EYA4: variants seen among roughly 807,000 people sequenced by gnomAD.
EYA4 encodes EYA transcriptional coactivator and phosphatase 4.
EYA4 carries 31 observed loss-of-function variants against 87.9 expected under a neutral mutation model. The observed-to-expected ratio is 0.35, with a 90% CI of 0.27 to 0.48. The LOEUF is 0.48. Among genes scored for constraint, EYA4 ranks in the 20% least tolerant of loss-of-function variants. EYA4 has a pLI of 0.99. For synonymous variants in EYA4, 263 were observed against 270.6 expected, an observed-to-expected ratio of 0.97 and a Z score of 0.28; for missense variants, 678 against 761.4, an observed-to-expected ratio of 0.89 and a Z score of 1.29.
chr6:133,328,099 T>G (rs1781646232), intron 2 of EYA4, among the ~76,000 whole-genome samples: 1 of 152,174 alleles, frequency 6.6e-6, no homozygotes, highest in Non-Finnish European at 1.5e-5. Flanking sequence ...TCAGACTACC[T>G]GATGTTAAAG....
chr6:133,445,224 C>A (rs1583297833), intron 3 of EYA4, among the ~76,000 whole-genome samples: 1 of 152,084 alleles, frequency 6.6e-6, no homozygotes, highest in Non-Finnish European at 1.5e-5. Context: ...TATAATTTCA[C>A]CCCACTTTTT....
At chr6:133,487,675 A>C (rs911878133) in intron 13 of EYA4, among the ~76,000 whole-genome samples, 3 of 152,158 alleles carry the variant, frequency 2.0e-5, no homozygotes, top group Non-Finnish European at 4.4e-5. Flanking sequence ...GGCAAGATTC[A>C]TCACCTGCTA....
intron 3 of EYA4, among the ~76,000 whole-genome samples, chr6:133,411,168 A>T (rs1321691211): frequency 6.6e-6 from 1 of 152,210 alleles, no homozygotes; most frequent in Non-Finnish European, 1.5e-5. Context: ...AAGATAACAG[A>T]TGAGGACTTA....
chr6:133,257,724 G>C (rs1775451834), intron 1 of EYA4, among the ~76,000 whole-genome samples: 2 of 152,182 alleles, frequency 1.3e-5, no homozygotes, highest in Admixed American at 1.3e-4. Context: ...TATACACTGA[G>C]TCATGGCAGA....
rs573619370 is a variant in EYA4 at position 133,448,252 on chromosome 6, A to G, written c.277+73A>G. The stretch of plus-strand genomic sequence containing the variant: ...CCCCTCTGGATTGCTGTCTGTTGCT[A>G]TGTCTATGTTTGCATCTCTTTTCTG... On this transcript the variant is annotated intron_variant, in intron 5 of 19. Transcript: ENST00000355286. 6.8e-5 allele frequency: 75 copies of G among 1,096,264 alleles called. No homozygotes were observed. In the South Asian group the frequency reaches 8.0e-4, roughly 12 times the overall value. The allele number at this position is 1,096,264 out of a possible 1,614,324, so 67.9% of individuals were successfully genotyped here.
At chr6:133,306,295 C>T (rs775118400) in intron 2 of EYA4, among the ~76,000 whole-genome samples, 4 of 152,074 alleles carry the variant, frequency 2.6e-5, no homozygotes, top group Non-Finnish European at 4.4e-5. Flanking sequence ...GTAGATCACC[C>T]CAAGGGAAAA....
intron 1 of EYA4, among the ~76,000 whole-genome samples, chr6:133,263,641 G>A (rs1205625863): frequency 6.6e-6 from 1 of 152,160 alleles, no homozygotes; most frequent in Non-Finnish European, 1.5e-5. Flanking sequence ...CTGTGGGAGG[G>A]AGATATGTTT....
chr6:133,244,902 T>C (rs1347475076), intron 1 of EYA4, among the ~76,000 whole-genome samples: 1 of 152,122 alleles, frequency 6.6e-6, no homozygotes, highest in African/African-American at 2.4e-5. Flanking sequence ...ACTATTGTTA[T>C]AAAAAGTTAG....
chr6:133,260,406 T>C (rs924572511), intron 1 of EYA4, among the ~76,000 whole-genome samples: 1 of 152,086 alleles, frequency 6.6e-6, no homozygotes, highest in Non-Finnish European at 1.5e-5. Context: ...CCCAGCTAAC[T>C]TTTGTATTTT....
intron 2 of EYA4, among the ~76,000 whole-genome samples, chr6:133,330,568 TACAC>T (rs57398314): frequency 0.043 from 6,228 of 143,746 alleles, 191 homozygotes; most frequent in African/African-American, 0.083. Flanking sequence ...TATATATATA[TACAC>T]ACACACACAC....
chr6:133,457,867 GTATACTACAAGTTAAT>G (rs1399176802), intron 6 of EYA4, among the ~76,000 whole-genome samples: 1 of 152,146 alleles, frequency 6.6e-6, no homozygotes, highest in Non-Finnish European at 1.5e-5. Context: ...TACTTCAGTA[GTATACTACAAGTTAAT>G]TGAAAGCTGA....
chr6:133,517,180 A>T (rs1194503429), intron 17 of EYA4, among the ~76,000 whole-genome samples: 1 of 152,148 alleles, frequency 6.6e-6, no homozygotes, highest in Non-Finnish European at 1.5e-5. Flanking sequence ...TGATGAGAAC[A>T]TGTGGACACA....
chr6:133,389,441 A>G (rs887391918), intron 3 of EYA4, among the ~76,000 whole-genome samples: 3 of 152,218 alleles, frequency 2.0e-5, no homozygotes, highest in Non-Finnish European at 4.4e-5. Flanking sequence ...GTTAGAGTTC[A>G]TATCTGCCTT....
chr6:133,494,769 T>G (rs544976499), intron 13 of EYA4, among the ~76,000 whole-genome samples: 1 of 151,676 alleles, frequency 6.6e-6, no homozygotes, highest in African/African-American at 2.4e-5. Context: ...GGAGGATCAT[T>G]TGAGCTCAGA....
At chr6:133,357,730 G>A (rs1195389032) in intron 2 of EYA4, among the ~76,000 whole-genome samples, 1 of 152,072 alleles carries the variant, frequency 6.6e-6, no homozygotes, top group East Asian at 1.9e-4. Flanking sequence ...ACACAAGCAG[G>A]GACTCGCTGG....
At chr6:133,455,793 G>A (rs956746876) in intron 5 of EYA4, among the ~76,000 whole-genome samples, 4 of 151,944 alleles carry the variant, frequency 2.6e-5, no homozygotes, top group Non-Finnish European at 5.9e-5. Flanking sequence ...TGACCAAATG[G>A]GTAAAACTTT....
intron 11 of EYA4, among the ~76,000 whole-genome samples, chr6:133,479,064 A>G (rs1258160538): frequency 1.3e-5 from 2 of 152,200 alleles, no homozygotes; most frequent in Non-Finnish European, 2.9e-5. Context: ...TGTTTTTTAA[A>G]TGCATGCTTA....
At chr6:133,273,022 A>AT (rs773230519) in intron 1 of EYA4, among the ~76,000 whole-genome samples, 2 of 151,066 alleles carry the variant, frequency 1.3e-5, no homozygotes, top group Non-Finnish European at 2.9e-5. Flanking sequence ...GATGCTCATT[A>AT]GACACCCCAC....
chr6:133,498,242 G>C (rs1229575025), intron 13 of EYA4, among the ~76,000 whole-genome samples: 2 of 152,298 alleles, frequency 1.3e-5, no homozygotes, highest in East Asian at 3.9e-4. Context: ...CATATGCTTA[G>C]AGGGCTCTGG....
Sources: gnomAD v4.1 joint callset for allele counts (sites outside exome capture counted in the v4.1 genomes callset) on GRCh38, gnomAD v4.1.1 for gene constraint, MANE v1.5 for transcripts, NCBI Gene and HGNC (gene_info 2026-07-23, HGNC 2026-07-21) for gene names.